CAMTA1: variants seen among roughly 807,000 people sequenced by gnomAD.
CAMTA1 encodes the protein calmodulin-binding transcription activator 1.
Under a neutral mutation model 170.9 loss-of-function variants are expected in CAMTA1, and 27 were observed. The ratio of observed to expected loss-of-function variants is 0.16; its 90% CI spans 0.12 to 0.22. The LOEUF (loss-of-function observed/expected upper bound fraction) is 0.22. Among genes scored for constraint, CAMTA1 ranks in the 10% least tolerant of loss-of-function variants. CAMTA1 has a pLI of 1.00. For synonymous variants in CAMTA1, 833 were observed against 891.5 expected (o/e 0.93, Z 1.17); for missense variants, 1,619 against 2,217.2 (o/e 0.73, Z 5.42).
At chr1:7,593,935 A>G (rs1264725761) in intron 6 of CAMTA1, among the ~76,000 whole-genome samples, 1 of 151,180 alleles carries the variant, frequency 6.6e-6, no homozygotes, top group East Asian at 2.0e-4. Flanking sequence ...TCAGCTACTC[A>G]GGAGGCTGAG....
At chr1:6,916,394 C>G (rs1018234903) in intron 3 of CAMTA1, among the ~76,000 whole-genome samples, 2 of 152,192 alleles carry the variant, frequency 1.3e-5, no homozygotes, top group Non-Finnish European at 2.9e-5. Flanking sequence ...AAGGCCCGCC[C>G]CACCTCTGAA....
chr1:7,103,465 G>C (rs1175020358), intron 4 of CAMTA1, among the ~76,000 whole-genome samples: 1 of 129,754 alleles, frequency 7.7e-6, no homozygotes, highest in Non-Finnish European at 1.6e-5. Context: ...CTACACACAT[G>C]TACACAACAC....
In CAMTA1 at chr1:7,732,178, G is replaced by T. The variant is rs1431888808; in HGVS notation, c.2915-270G>T. Reference sequence around the variant, plus strand: ...GGGAATTTGACAAAGAAACTAGGGGGCAGGAACCTGAACCTCTTTTTGATC... The same window carrying T: ...GGGAATTTGACAAAGAAACTAGGGGTCAGGAACCTGAACCTCTTTTTGATC... On this transcript the variant is annotated intron_variant, in intron 11 of 22. Transcript: ENST00000303635. This position sits in a 1 kb window ranked among gnomAD's most constrained non-coding sequence, Gnocchi z 4.1. 6.6e-6 allele frequency among the ~76,000 whole-genome samples: 1 copy of T among 152,096 alleles called. No homozygotes were observed. The highest frequency in any genetic ancestry group is 6.6e-5 in the Admixed American group (1 of 15,266).
At chr1:7,369,663 C>T (rs951607400) in intron 5 of CAMTA1, among the ~76,000 whole-genome samples, 1 of 152,044 alleles carries the variant, frequency 6.6e-6, no homozygotes, top group Admixed American at 6.5e-5. Context: ...GCTCGCTGGG[C>T]CTTGGTGCCC....
In CAMTA1 at chr1:7,123,283, T is replaced by C. The variant is rs1376462611; in HGVS notation, c.302+31912T>C. On this transcript the variant is annotated intron_variant, in intron 4 of 22. Transcript: ENST00000303635. ...CTTGGCCTGTCGGTGGCTGTCTCTT[T>C]CTCGTGTCTTCATGTCATCTTCCCT... Among the ~76,000 whole-genome samples the C allele has an allele frequency of 3.9e-5, 6 of 152,156 alleles. No homozygotes were observed. The East Asian group carries it at 1.2e-3, about 29-fold the overall frequency.
At chr1:6,822,604 TC>T (rs556108261) in intron 2 of CAMTA1, among the ~76,000 whole-genome samples, 43 of 152,120 alleles carry the variant, frequency 2.8e-4, no homozygotes, top group Non-Finnish European at 4.7e-4. Flanking sequence ...ATATTCCTGT[TC>T]CTTTTGACTC....
intron 4 of CAMTA1, among the ~76,000 whole-genome samples, chr1:7,130,650 A>C (rs1421804064): frequency 6.6e-6 from 1 of 152,170 alleles, no homozygotes; most frequent in Non-Finnish European, 1.5e-5. Context: ...CTTATTTAAA[A>C]ATTTTTAGCT....
intron 11 of CAMTA1, among the ~76,000 whole-genome samples, chr1:7,710,769 G>A (rs1410436814): frequency 6.6e-6 from 1 of 151,808 alleles, no homozygotes; most frequent in Non-Finnish European, 1.5e-5. Context: ...GCAGGGAAGG[G>A]TCCCCAATAT....
At chr1:7,759,873 T>C (rs972911105) in intron 22 of CAMTA1, among the ~76,000 whole-genome samples, 1 of 152,254 alleles carries the variant, frequency 6.6e-6, no homozygotes, top group African/African-American at 2.4e-5. Flanking sequence ...GTCTTTCCAC[T>C]TCTCTAAGAC....
Position 6,944,892 on chromosome 1 carries a change from T to C in CAMTA1, c.234+119682T>C, listed in dbSNP as rs183419121. Among the ~76,000 whole-genome samples the C allele has an allele frequency of 8.5e-5, 13 of 152,348 alleles. No individual in the cohort carries two copies. The East Asian group carries it at 1.5e-3, about 18-fold the overall frequency. On this transcript the variant is annotated intron_variant, in intron 3 of 22. Coordinates refer to ENST00000303635, the MANE Select transcript of CAMTA1 (RefSeq NM_015215.4). ...GGAAATGCTCTGAGCATATTTAAGG[T>C]AGGCAAAGCTATGGTGTTTGATAGG...
chr1:7,221,372 T>C (rs903277166), intron 4 of CAMTA1, among the ~76,000 whole-genome samples: 2 of 152,226 alleles, frequency 1.3e-5, no homozygotes, highest in African/African-American at 4.8e-5. Flanking sequence ...GGAGAGTTGG[T>C]AACACACCCA....
intron 3 of CAMTA1, among the ~76,000 whole-genome samples, chr1:6,857,484 T>C (rs1662883430): frequency 1.3e-5 from 2 of 152,114 alleles, no homozygotes; most frequent in South Asian, 4.1e-4. Flanking sequence ...GCAGTTGCAG[T>C]GAAAGTGAAG....
chr1:7,500,486 C>A (rs2093987085), intron 6 of CAMTA1, among the ~76,000 whole-genome samples: 1 of 151,996 alleles, frequency 6.6e-6, no homozygotes, highest in African/African-American at 2.4e-5. Flanking sequence ...GCATCTAGTT[C>A]TCTCTGCAGG....
intron 5 of CAMTA1, among the ~76,000 whole-genome samples, chr1:7,417,865 C>T (rs1298724897): frequency 2.0e-5 from 3 of 152,162 alleles, no homozygotes; most frequent in Non-Finnish European, 2.9e-5. Context: ...TCTTCTGTGT[C>T]GCTCACGCTG....
intron 16 of CAMTA1, among the ~76,000 whole-genome samples, chr1:7,741,075 C>G (rs897986027): frequency 5.9e-5 from 9 of 152,118 alleles, no homozygotes; most frequent in African/African-American, 2.2e-4. Flanking sequence ...TAGGAAGGGA[C>G]TCTTTAAATA....
chr1:7,533,266 G>C (rs759596729), intron 6 of CAMTA1, among the ~76,000 whole-genome samples: 11 of 152,182 alleles, frequency 7.2e-5, no homozygotes, highest in Non-Finnish European at 1.3e-4. Flanking sequence ...AGGCTCCACT[G>C]AGGTAGGGCA....
chr1:6,884,344 T>G (rs1043611242), intron 3 of CAMTA1, among the ~76,000 whole-genome samples: 1 of 138,928 alleles, frequency 7.2e-6, no homozygotes, highest in Non-Finnish European at 1.6e-5. Context: ...ACAATTTTGT[T>G]TGGCTTTGAT....
At chr1:7,439,991 G>T (rs1215839046) in intron 5 of CAMTA1, among the ~76,000 whole-genome samples, 1 of 152,258 alleles carries the variant, frequency 6.6e-6, no homozygotes, top group Admixed American at 6.5e-5. Flanking sequence ...GGCCCAGCAG[G>T]CCTGTCTCAG....
At chr1:7,706,154 A>G (rs1411031455) in intron 11 of CAMTA1, among the ~76,000 whole-genome samples, 1 of 152,202 alleles carries the variant, frequency 6.6e-6, no homozygotes, top group African/African-American at 2.4e-5. Context: ...CGACAATTTT[A>G]AAGTCCATTT....
Sources: gnomAD v4.1 joint callset for allele counts (sites outside exome capture counted in the v4.1 genomes callset) on GRCh38, gnomAD v4.1.1 for gene constraint, Gnocchi (gnomAD v3.1) non-coding constraint, MANE v1.5 for transcripts, NCBI Gene and HGNC (gene_info 2026-07-23, HGNC 2026-07-21) for gene names.